The following NRXN3 variants were observed in gnomAD, a reference collection of about 807,000 sequenced individuals.
NRXN3 encodes the protein neurexin III.
A neutral mutation model predicts 137.6 loss-of-function variants in NRXN3; 32 were observed. The observed-to-expected ratio is 0.23, with a 90% confidence interval of 0.18 to 0.31. NRXN3 has a LOEUF of 0.31. Ranked by LOEUF, NRXN3 falls within the 10% of genes least tolerant of loss-of-function variation. The pLI is 1.00. For missense variants in NRXN3, 1,574 were observed against 2,062.5 expected (o/e 0.76, Z 4.59); for synonymous variants, 798 against 784.5 (o/e 1.02, Z -0.29).
intron 16 of NRXN3, among the ~76,000 whole-genome samples, chr14:79,514,549 A>G (rs1054302230): frequency 6.6e-6 from 1 of 152,024 alleles, no homozygotes; most frequent in Non-Finnish European, 1.5e-5. Context: ...GTAACCCTTA[A>G]CCCTAAACTT....
At chr14:78,188,601 A>G (rs181630316) in intron 1 of NRXN3, among the ~76,000 whole-genome samples, 4 of 152,288 alleles carry the variant, frequency 2.6e-5, no homozygotes, top group Admixed American at 2.0e-4. Context: ...GGGGGAAGGT[A>G]TGGGCTGCTA....
At chr14:78,269,751 T>C (rs2072411569) in intron 2 of NRXN3, among the ~76,000 whole-genome samples, 2 of 152,178 alleles carry the variant, frequency 1.3e-5, no homozygotes. Flanking sequence ...CACTTTATTT[T>C]GTATTGAATT....
At chr14:79,252,729 A>G (rs1328568841) in intron 15 of NRXN3, among the ~76,000 whole-genome samples, 2 of 152,206 alleles carry the variant, frequency 1.3e-5, no homozygotes, top group Non-Finnish European at 2.9e-5. Context: ...GATGACAAAT[A>G]CAACAGAGGA....
At chr14:79,045,911 T>C (rs1304425423) in intron 15 of NRXN3, among the ~76,000 whole-genome samples, 1 of 152,176 alleles carries the variant, frequency 6.6e-6, no homozygotes, top group Non-Finnish European at 1.5e-5. Flanking sequence ...GTGATGCTGA[T>C]GCAAAACAGC....
At chr14:79,654,386 G>A (rs535620904) in intron 16 of NRXN3, among the ~76,000 whole-genome samples, 12 of 152,068 alleles carry the variant, frequency 7.9e-5, no homozygotes, top group Non-Finnish European at 1.3e-4. Flanking sequence ...ACGAACAGGG[G>A]TCAGCAACTT....
chr14:78,612,190 G>T (rs907484763), intron 4 of NRXN3, among the ~76,000 whole-genome samples: 2 of 152,104 alleles, frequency 1.3e-5, no homozygotes, highest in African/African-American at 2.4e-5. Flanking sequence ...ACATCCTGTT[G>T]GTTGGATTGT....
chr14:78,659,975 G>A (rs1223615507), intron 6 of NRXN3, among the ~76,000 whole-genome samples: 1 of 152,064 alleles, frequency 6.6e-6, no homozygotes. Context: ...ATAACATACA[G>A]AGGCACAGAG....
intron 3 of NRXN3, among the ~76,000 whole-genome samples, chr14:78,291,253 G>C (rs1343292391): frequency 6.6e-6 from 1 of 152,198 alleles, no homozygotes; most frequent in Non-Finnish European, 1.5e-5. Flanking sequence ...TGTGACTTTA[G>C]CTCTCAGCTT....
chr14:79,125,841 G>A (rs1355737219), intron 15 of NRXN3, among the ~76,000 whole-genome samples: 2 of 151,910 alleles, frequency 1.3e-5, no homozygotes, highest in African/African-American at 4.8e-5. Flanking sequence ...CAATGACACC[G>A]TACTTTTATA....
chr14:79,444,799 C>T (rs1228547820), intron 15 of NRXN3, among the ~76,000 whole-genome samples: 1 of 152,092 alleles, frequency 6.6e-6, no homozygotes, highest in Non-Finnish European at 1.5e-5. Flanking sequence ...GCAGTCCAAC[C>T]TGGGTGACAG....
At chr14:79,071,404 C>A (rs556010961) in intron 15 of NRXN3, among the ~76,000 whole-genome samples, 2 of 152,232 alleles carry the variant, frequency 1.3e-5, no homozygotes, top group African/African-American at 4.8e-5. Flanking sequence ...ACCCAACAGG[C>A]CCCAGCGTGT....
intron 8 of NRXN3, among the ~76,000 whole-genome samples, chr14:78,790,017 T>C (rs560706825): frequency 6.6e-6 from 1 of 152,290 alleles, no homozygotes; most frequent in South Asian, 2.1e-4. Flanking sequence ...CTGTCACATA[T>C]TAGATATTAG....
At chr14:79,242,917 T>C (rs1326824617) in intron 15 of NRXN3, among the ~76,000 whole-genome samples, 1 of 152,224 alleles carries the variant, frequency 6.6e-6, no homozygotes, top group Non-Finnish European at 1.5e-5. Flanking sequence ...CTGGCAATTA[T>C]GCTACTAACA....
chr14:79,067,458 A>G (rs1296354711), intron 15 of NRXN3, among the ~76,000 whole-genome samples: 2 of 152,050 alleles, frequency 1.3e-5, no homozygotes, highest in African/African-American at 4.8e-5. Context: ...AGGTTTTGGT[A>G]TCTGGATGAT....
At chr14:78,582,046 TC>T (rs2097004035) in intron 4 of NRXN3, among the ~76,000 whole-genome samples, 1 of 152,236 alleles carries the variant, frequency 6.6e-6, no homozygotes, top group Non-Finnish European at 1.5e-5. Flanking sequence ...TGTTGTTCTG[TC>T]CATTATCTGT....
intron 16 of NRXN3, among the ~76,000 whole-genome samples, chr14:79,475,463 TTA>T (rs375990549): frequency 6.6e-6 from 1 of 152,050 alleles, no homozygotes; most frequent in Admixed American, 6.6e-5. Context: ...ATCATTCATT[TTA>T]TATATATATA....
At chr14:78,337,420 T>A (rs1201034022) in intron 4 of NRXN3, among the ~76,000 whole-genome samples, 2 of 151,922 alleles carry the variant, frequency 1.3e-5, no homozygotes, top group African/African-American at 4.8e-5. Flanking sequence ...AAGGTGGCAA[T>A]GGGGGTTATG....
intron 2 of NRXN3, among the ~76,000 whole-genome samples, chr14:78,255,026 G>GC (rs1269944314): frequency 1.3e-5 from 2 of 152,002 alleles, no homozygotes; most frequent in African/African-American, 2.4e-5. Flanking sequence ...AAGGGCTTAG[G>GC]CAGGGCTGGA....
intron 6 of NRXN3, among the ~76,000 whole-genome samples, chr14:78,662,674 C>T (rs1009849946): frequency 3.3e-5 from 5 of 152,118 alleles, no homozygotes; most frequent in African/African-American, 4.8e-5. Flanking sequence ...GATGAATGAC[C>T]TATCTGCAAA....
Sources: allele counts gnomAD v4.1 joint callset (sites outside exome capture counted in the v4.1 genomes callset), GRCh38; gene constraint gnomAD v4.1.1; transcripts MANE v1.5; gene names NCBI Gene and HGNC (gene_info 2026-07-23, HGNC 2026-07-21).